Variants in MTCL3 observed in about 807,000 individuals in gnomAD.
The protein encoded by MTCL3 is MTCL family member 3.
the MTCL3 span, chr6:127,513,054 AT>A: frequency 4.4e-6 from 7 of 1,603,200 alleles, no homozygotes; most frequent in Non-Finnish European, 6.0e-6. Flanking sequence ...TGCAACCTGA[AT>A]TAAGGTGTTT....
chr6:127,475,964 C>G, the MTCL3 span: 9 of 1,611,640 alleles, frequency 5.6e-6, no homozygotes, highest in East Asian at 2.2e-5. This position sits in a 1 kb window ranked among gnomAD's most constrained non-coding sequence, Gnocchi z 7.3. Flanking sequence ...CGCGCGCTGT[C>G]GTGGCCGCCG....
chr6:127,475,224 GC>G, the MTCL3 span: 5 of 1,488,318 alleles, frequency 3.4e-6, no homozygotes, highest in African/African-American at 1.4e-5. This position sits in a 1 kb window ranked among gnomAD's most constrained non-coding sequence, Gnocchi z 7.3. Context: ...GCGCCGAGAC[GC>G]CCCCCAGGGA....
chr6:127,489,198 T>G, the MTCL3 span, among the ~76,000 whole-genome samples: 333 of 152,326 alleles, frequency 2.2e-3, 1 homozygote, highest in Admixed American at 3.9e-3. Flanking sequence ...ATGTTACTCT[T>G]TCAATTGTTT....
the MTCL3 span, chr6:127,476,609 G>T: frequency 1.5e-6 from 1 of 655,906 alleles, no homozygotes; most frequent in East Asian, 2.8e-5. This position sits in a 1 kb window ranked among gnomAD's most constrained non-coding sequence, Gnocchi z 4.4. Context: ...CAGATACTGT[G>T]TATTTTCTTC....
chr6:127,516,192 T>C, the MTCL3 span: 1 of 1,433,832 alleles, frequency 7.0e-7, no homozygotes, highest in East Asian at 2.6e-5. Flanking sequence ...CCTCGGGCGG[T>C]CCGGGCCTCC....
At chr6:127,507,609 C>T in the MTCL3 span, among the ~76,000 whole-genome samples, 13 of 151,630 alleles carry the variant, frequency 8.6e-5, no homozygotes, top group African/African-American at 2.9e-4. Flanking sequence ...ATTCATAGGC[C>T]GAGGTGGGCG....
the MTCL3 span, among the ~76,000 whole-genome samples, chr6:127,479,718 A>G: frequency 6.6e-6 from 1 of 152,138 alleles, no homozygotes; most frequent in Non-Finnish European, 1.5e-5. Flanking sequence ...AAAGAGCTGC[A>G]TCAAGGGCTA....
At chr6:127,497,493 C>T in the MTCL3 span, among the ~76,000 whole-genome samples, 2 of 152,186 alleles carry the variant, frequency 1.3e-5, no homozygotes, top group African/African-American at 4.8e-5. Flanking sequence ...AGAACAACTA[C>T]AAACTTCTTC....
chr6:127,482,791 T>A, the MTCL3 span: 8 of 653,968 alleles, frequency 1.2e-5, no homozygotes, highest in Middle Eastern at 4.5e-4. The surrounding 1 kb of genome is among the most constrained non-coding windows in gnomAD (Gnocchi z 4.1). Context: ...ATAATTGATA[T>A]GCAAATTTGA....
the MTCL3 span, among the ~76,000 whole-genome samples, chr6:127,481,738 A>G: frequency 6.6e-6 from 1 of 152,284 alleles, no homozygotes; most frequent in East Asian, 1.9e-4. Context: ...ATAATGTCAG[A>G]GGCGTGTGAC....
chr6:127,499,367 C>T, the MTCL3 span, among the ~76,000 whole-genome samples: 1 of 152,092 alleles, frequency 6.6e-6, no homozygotes, highest in Admixed American at 6.5e-5. Flanking sequence ...AGGAGCACAA[C>T]TGACATCGCA....
chr6:127,505,542 A>G, the MTCL3 span, among the ~76,000 whole-genome samples: 1 of 152,194 alleles, frequency 6.6e-6, no homozygotes, highest in East Asian at 1.9e-4. Flanking sequence ...GAGGAGGGAG[A>G]GGATCAGGAA....
At chr6:127,507,871 GA>G in the MTCL3 span, among the ~76,000 whole-genome samples, 5 of 110,976 alleles carry the variant, frequency 4.5e-5, no homozygotes, top group South Asian at 9.1e-4. Flanking sequence ...AAAAAAAAAA[GA>G]AAAAAAATGC....
At chr6:127,511,881 C>T in the MTCL3 span, among the ~76,000 whole-genome samples, 2 of 152,142 alleles carry the variant, frequency 1.3e-5, no homozygotes, top group South Asian at 4.2e-4. Context: ...ATTTTTGTAC[C>T]ATTTTGAGAT....
the MTCL3 span, among the ~76,000 whole-genome samples, chr6:127,504,271 T>C: frequency 2.0e-5 from 3 of 152,166 alleles, no homozygotes; most frequent in Admixed American, 6.6e-5. Context: ...AAGTATTTGG[T>C]ATAGTAATGT....
the MTCL3 span, among the ~76,000 whole-genome samples, chr6:127,492,863 T>C: frequency 6.6e-6 from 1 of 152,218 alleles, no homozygotes; most frequent in Admixed American, 6.5e-5. Flanking sequence ...AAATAAATTA[T>C]TTTTAAAGTT....
the MTCL3 span, among the ~76,000 whole-genome samples, chr6:127,495,054 G>A: frequency 1.7e-4 from 26 of 151,610 alleles, no homozygotes; most frequent in East Asian, 4.4e-3. Flanking sequence ...AAAAGTAGCC[G>A]GGCATGGTGG....
the MTCL3 span, among the ~76,000 whole-genome samples, chr6:127,486,766 G>A: frequency 1.3e-5 from 2 of 152,090 alleles, no homozygotes; most frequent in African/African-American, 4.8e-5. Flanking sequence ...TTTTTTCACA[G>A]CAATGATATA....
At chr6:127,506,579 C>G in the MTCL3 span, among the ~76,000 whole-genome samples, 1 of 151,970 alleles carries the variant, frequency 6.6e-6, no homozygotes, top group Non-Finnish European at 1.5e-5. Context: ...TTCCCCCTCC[C>G]CCGTCTTTAT....
Sources: allele counts gnomAD v4.1 joint callset (sites outside exome capture counted in the v4.1 genomes callset), GRCh38; gene constraint gnomAD v4.1.1; non-coding constraint Gnocchi (gnomAD v3.1); transcripts MANE v1.5; gene names NCBI Gene and HGNC (gene_info 2026-07-23, HGNC 2026-07-21).